Variants in ABL2 observed in about 807,000 individuals in gnomAD.
ABL2 encodes the protein ABL proto-oncogene 2, non-receptor tyrosine kinase, also known as tyrosine-protein kinase ABL2.
Under a neutral mutation model 107.7 loss-of-function variants are expected in ABL2, and 49 were observed. The ratio of observed to expected loss-of-function variants is 0.45; its 90% CI spans 0.36 to 0.58. The LOEUF is 0.58. ABL2 is among the 20% of genes least tolerant of loss of function. The pLI, the probability that ABL2 is intolerant of heterozygous loss-of-function variation, is 0.00. For synonymous variants in ABL2, 549 were observed against 548.6 expected, an observed-to-expected ratio of 1.00 and a Z score of -0.01; for missense variants, 1,245 against 1,457.0, an observed-to-expected ratio of 0.85 and a Z score of 2.37.
intron 1 of ABL2, among the ~76,000 whole-genome samples, chr1:179,211,345 T>C (rs1232447360): frequency 6.6e-6 from 1 of 152,038 alleles, no homozygotes. Context: ...AAAAGAGATG[T>C]AATCCCTAAA....
At chr1:179,200,643 A>G (rs1366947514) in intron 1 of ABL2, among the ~76,000 whole-genome samples, 1 of 152,212 alleles carries the variant, frequency 6.6e-6, no homozygotes, top group African/African-American at 2.4e-5. Context: ...TTGTATGAAC[A>G]TGGAGATTCC....
At chr1:179,133,066 C>T (rs1656499265) in intron 2 of ABL2, among the ~76,000 whole-genome samples, 1 of 151,612 alleles carries the variant, frequency 6.6e-6, no homozygotes, top group African/African-American at 2.4e-5. Context: ...ACCATGTTGG[C>T]CAGGCTGGTC....
chr1:179,105,415 C>G lies in ABL2; in HGVS notation c.*2303G>C. On this transcript the variant is annotated 3_prime_UTR_variant, in exon 12 of 12. Coordinates refer to ENST00000502732, the MANE Select transcript of ABL2 (RefSeq NM_007314.4). ...TAAAAAGCAGCATAATAATATTCTACAGTTTTAGCTTTCCCATCCTCGACC... is the reference window on the plus strand; with the variant it reads ...TAAAAAGCAGCATAATAATATTCTAGAGTTTTAGCTTTCCCATCCTCGACC... The G allele has an allele frequency of 4.3e-6, 1 of 231,272 alleles. No individual in the cohort carries two copies. 14.3% of individuals were successfully genotyped at this position (231,272 alleles called of 1,614,324 possible).
intron 1 of ABL2, among the ~76,000 whole-genome samples, chr1:179,141,040 C>A (rs907308465): frequency 4.7e-5 from 7 of 148,798 alleles, no homozygotes; most frequent in Non-Finnish European, 8.9e-5. Context: ...TGCTTGAACC[C>A]GGGAGGCAGA....
intron 1 of ABL2, among the ~76,000 whole-genome samples, chr1:179,203,013 AG>A (rs1281050914): frequency 6.6e-6 from 1 of 152,216 alleles, no homozygotes; most frequent in Non-Finnish European, 1.5e-5. Flanking sequence ...CACATCAAAG[AG>A]GCTTAAAAGG....
chr1:179,143,033 C>T lies in ABL2; in HGVS notation c.158-9659G>A, dbSNP rs200959542. On this transcript the variant is annotated intron_variant, in intron 1 of 11. Transcript: ENST00000502732. ...AACTATTAGGTGGAAGGAGAACTGT[C>T]CCAAGGACCATACCTCTGCCCAGAA... 5.0e-4 allele frequency: 801 copies of T among 1,614,086 alleles called. 5 individuals are homozygous for T. In the African/African-American group the frequency reaches 9.1e-3, roughly 18 times the overall value.
chr1:179,224,133 A>AT (rs1663049840), intron 1 of ABL2, among the ~76,000 whole-genome samples: 2 of 135,984 alleles, frequency 1.5e-5, no homozygotes, highest in African/African-American at 5.3e-5. Context: ...CCTACTCACT[A>AT]CAAAAAAAAA....
intron 1 of ABL2, among the ~76,000 whole-genome samples, chr1:179,143,243 G>T (rs965224941): frequency 6.6e-6 from 1 of 152,132 alleles, no homozygotes; most frequent in Non-Finnish European, 1.5e-5. Context: ...CCAGCAATCC[G>T]CAAAAGACTG....
chr1:179,211,736 T>C (rs1571327114), intron 1 of ABL2, among the ~76,000 whole-genome samples: 2 of 150,594 alleles, frequency 1.3e-5, no homozygotes, highest in African/African-American at 2.4e-5. Context: ...GTGATGGAGG[T>C]TGCAGTGAGC....
intron 9 of ABL2, among the ~76,000 whole-genome samples, chr1:179,113,888 C>G (rs1010978743): frequency 6.6e-6 from 1 of 151,502 alleles, no homozygotes. Flanking sequence ...GAGCCGAGAT[C>G]GCGCCACTGC....
chr1:179,164,027 G>GT (rs1659237109), intron 1 of ABL2, among the ~76,000 whole-genome samples: 1 of 152,166 alleles, frequency 6.6e-6, no homozygotes, highest in Non-Finnish European at 1.5e-5. Context: ...ACACATCAGT[G>GT]GCTGCCAGGG....
At chr1:179,181,889 T>C (rs1008574682) in intron 1 of ABL2, among the ~76,000 whole-genome samples, 3 of 151,684 alleles carry the variant, frequency 2.0e-5, no homozygotes, top group African/African-American at 7.3e-5. Context: ...CAAGCAATTA[T>C]CCTGCCTCAA....
At chr1:179,158,113 T>C (rs1658820039) in intron 1 of ABL2, among the ~76,000 whole-genome samples, 1 of 152,160 alleles carries the variant, frequency 6.6e-6, no homozygotes, top group Non-Finnish European at 1.5e-5. Flanking sequence ...AAATCAGACA[T>C]CAAATTTCTT....
intron 4 of ABL2, among the ~76,000 whole-genome samples, chr1:179,122,822 T>G (rs569393942): frequency 7.2e-5 from 11 of 151,858 alleles, no homozygotes; most frequent in African/African-American, 2.4e-4. Context: ...CCTGGCTAAT[T>G]TTTTTCTTTG....
chr1:179,225,954 G>A (rs1228788842), intron 1 of ABL2, among the ~76,000 whole-genome samples: 1 of 143,524 alleles, frequency 7.0e-6, no homozygotes, highest in East Asian at 2.2e-4. Context: ...TGAGGCAGGA[G>A]AATGGCGTGA....
rs1653138616 is a variant in ABL2 at position 179,102,012 on chromosome 1, T to C, written c.*5706A>G. The C allele has an allele frequency of 1.6e-5, 2 of 125,482 alleles. No individual in the cohort carries two copies. Among genetic ancestry groups the C allele is most frequent in the South Asian group, 3.3e-4 (1 of 3,070 alleles). The allele number at this position is 125,482 out of a possible 1,614,324, so 7.8% of individuals were successfully genotyped here. On this transcript the variant is annotated 3_prime_UTR_variant, in exon 12 of 12. Transcript: ENST00000502732. ...TTAGAATTTCTTTTTTTTTTTTTTT[T>C]TTTTTTTTTTTTTTTTTTTGAGACG...
intron 1 of ABL2, among the ~76,000 whole-genome samples, chr1:179,153,739 T>C (rs997827689): frequency 3.9e-5 from 6 of 152,300 alleles, no homozygotes; most frequent in Admixed American, 2.6e-4. Flanking sequence ...GATTAGGACA[T>C]GGATATCTTT....
Position 179,131,454 on chromosome 1 carries a change from T to C in ABL2, c.248A>G (p.Asp83Gly), listed in dbSNP as rs745571219. ...PEALHRPYGC[D>G]VEPQALNEAI... is the part of the protein sequence containing the mutation. ...CTCATTTAGTGCCTGGGGTTCAACATCACAACCATAGGGACGATGCAAAGC... is the reference window on the plus strand; with the variant it reads ...CTCATTTAGTGCCTGGGGTTCAACACCACAACCATAGGGACGATGCAAAGC... Residue 83 changes from aspartate to glycine, a missense_variant, in exon 3 of 12, where the codon GAT becomes GGT. Asp to Gly is a moderately conservative substitution (Grantham distance 94). This residue lies in a region of ABL2 where 164 missense variants were observed against 143.7 expected (regional missense o/e 1.14). Transcript: ENST00000502732. 1.2e-6 allele frequency: 2 copies of C among 1,613,966 alleles called. No individual in the cohort carries two copies. The highest frequency in any genetic ancestry group is 1.7e-6 in the Non-Finnish European group (2 of 1,179,940).
At chr1:179,174,905 A>AT (rs1557975133) in intron 1 of ABL2, among the ~76,000 whole-genome samples, 4 of 119,982 alleles carry the variant, frequency 3.3e-5, no homozygotes, top group African/African-American at 1.2e-4. Flanking sequence ...CAAAAAAAAA[A>AT]AAATAAAATA....
Sources: allele counts gnomAD v4.1 joint callset (sites outside exome capture counted in the v4.1 genomes callset), GRCh38; gene constraint gnomAD v4.1.1; regional missense constraint gnomAD v4.1.1; transcripts MANE v1.5; gene names NCBI Gene and HGNC (gene_info 2026-07-23, HGNC 2026-07-21).